ZMYM5: variants seen among roughly 807,000 people sequenced by gnomAD.
ZMYM5 encodes the protein zinc finger MYM-type protein 5.
Under a neutral mutation model 61.8 loss-of-function variants are expected in ZMYM5, and 41 were observed. The ratio of observed to expected loss-of-function variants is 0.66; its 90% CI spans 0.52 to 0.86. The LOEUF (loss-of-function observed/expected upper bound fraction) is 0.86, where lower values mean the gene tolerates loss of function less well. Ranked by LOEUF, ZMYM5 falls within the 40% of genes least tolerant of loss-of-function variation. The pLI is 0.00. For synonymous variants in ZMYM5, 257 were observed against 276.4 expected, an observed-to-expected ratio of 0.93 and a Z score of 0.70; for missense variants, 706 against 786.7, an observed-to-expected ratio of 0.90 and a Z score of 1.23.
At chr13:19,850,179 CTTG>C (rs1402667748) in intron 4 of ZMYM5, among the ~76,000 whole-genome samples, 1 of 152,120 alleles carries the variant, frequency 6.6e-6, no homozygotes, top group Non-Finnish European at 1.5e-5. Context: ...TAAAAAATCA[CTTG>C]TTATGTTTTA....
chr13:19,835,528 T>C lies in ZMYM5; in HGVS notation c.1200A>G (p.Gly400=). The change falls in exon 7 of 8, where the codon GGA becomes GGG. Residue 400 remains glycine (G), a synonymous_variant. Coordinates refer to ENST00000337963, the MANE Select transcript of ZMYM5 (RefSeq NM_001142684.2). Reference sequence around the variant, plus strand: ...GGCAGCAAAATCTCTTCTGCTGACCTCCAATCACCAGGATGTTGTTTCCAG... The same window carrying C: ...GGCAGCAAAATCTCTTCTGCTGACCCCCAATCACCAGGATGTTGTTTCCAG... The part of the protein sequence containing the change: ...KSTGNNILVI[G]GQQKRFCCQS... 7.3e-7 allele frequency: 1 copy of C among 1,367,740 alleles called. No homozygotes were observed. The highest frequency in any genetic ancestry group is 9.8e-7 in the Non-Finnish European group (1 of 1,021,868). 84.7% of individuals were successfully genotyped at this position (1,367,740 alleles called of 1,614,324 possible). A position where few individuals can be genotyped will look rare whatever the true frequency, so the allele number is the denominator to read the frequency against.
At chr13:19,851,313 G>A in intron 4 of ZMYM5, 42 bp downstream of exon 4, 1 of 1,519,600 alleles carries the variant, frequency 6.6e-7, no homozygotes, top group African/African-American at 1.4e-5. Flanking sequence ...ACAGCCAAAG[G>A]CTTATTTACT....
intron 4 of ZMYM5, 139 bp downstream of exon 4, chr13:19,851,216 T>G (rs1953280229): frequency 1.3e-6 from 1 of 797,242 alleles, no homozygotes; most frequent in African/African-American, 1.7e-5. Flanking sequence ...CGAAACTCGG[T>G]CTCCAAAAAC....
chr13:19,841,448 C>A (rs1487575720), intron 4 of ZMYM5, among the ~76,000 whole-genome samples: 1 of 152,092 alleles, frequency 6.6e-6, no homozygotes, highest in Non-Finnish European at 1.5e-5. Context: ...GGAAAAACAG[C>A]CCCAATTCTT....
At chr13:19,853,720 A>T (rs765913452) in intron 2 of ZMYM5, among the ~76,000 whole-genome samples, 1 of 151,222 alleles carries the variant, frequency 6.6e-6, no homozygotes, top group African/African-American at 2.4e-5. Context: ...CCCGGCTTTA[A>T]CTTCCTGAGT....
chr13:19,826,978 T>G (rs1163495919), intron 7 of ZMYM5, among the ~76,000 whole-genome samples: 2 of 152,164 alleles, frequency 1.3e-5, no homozygotes, highest in Non-Finnish European at 2.9e-5. Flanking sequence ...GACACATGAA[T>G]AAACTAGTTG....
chr13:19,843,137 C>CT (rs1952940567), intron 4 of ZMYM5, among the ~76,000 whole-genome samples: 1 of 144,452 alleles, frequency 6.9e-6, no homozygotes, highest in Non-Finnish European at 1.5e-5. Flanking sequence ...TTTTTTTTTT[C>CT]TTTTTTGAGA....
chr13:19,835,864 C>G (rs923991174), intron 6 of ZMYM5, among the ~76,000 whole-genome samples, 175 bp from the exon 7 acceptor site: 1 of 151,760 alleles, frequency 6.6e-6, no homozygotes, highest in Non-Finnish European at 1.5e-5. Flanking sequence ...CACTCTGTCA[C>G]TCAGGCTGGA....
At chr13:19,862,957 T>C (rs1301280755) in intron 1 of ZMYM5, among the ~76,000 whole-genome samples, 2 of 151,572 alleles carry the variant, frequency 1.3e-5, no homozygotes, top group Non-Finnish European at 2.9e-5. Flanking sequence ...CAGCAAAGAG[T>C]AAAAGCCGCG....
intron 2 of ZMYM5, among the ~76,000 whole-genome samples, chr13:19,855,726 T>A (rs564264999): frequency 6.6e-6 from 1 of 150,730 alleles, no homozygotes; most frequent in Non-Finnish European, 1.5e-5. Flanking sequence ...AAAACACTAC[T>A]AAAGGCCAGG....
intron 2 of ZMYM5, among the ~76,000 whole-genome samples, chr13:19,853,763 C>G (rs1566107515): frequency 6.6e-6 from 1 of 151,338 alleles, no homozygotes; most frequent in Non-Finnish European, 1.5e-5. Flanking sequence ...TGTATTTTTG[C>G]TAGCGACAGG....
chr13:19,860,410 G>A (rs1953694926), intron 2 of ZMYM5, among the ~76,000 whole-genome samples: 1 of 149,818 alleles, frequency 6.7e-6, no homozygotes, highest in Non-Finnish European at 1.5e-5. Context: ...ACAGGCATGT[G>A]CCACCAGGCC....
intron 4 of ZMYM5, among the ~76,000 whole-genome samples, chr13:19,850,990 C>A (rs1348612250): frequency 1.3e-5 from 2 of 152,184 alleles, no homozygotes; most frequent in Non-Finnish European, 1.5e-5. Context: ...AGGTGGATCA[C>A]TTGAGGTTAG....
At chr13:19,835,064 C>T (rs1952632818) in intron 7 of ZMYM5, among the ~76,000 whole-genome samples, 1 of 150,748 alleles carries the variant, frequency 6.6e-6, no homozygotes, top group South Asian at 2.1e-4. Flanking sequence ...AATCATAGTT[C>T]ACTGTAGCCT....
intron 7 of ZMYM5, 108 bp downstream of exon 7, chr13:19,835,369 A>G: frequency 1.3e-6 from 1 of 792,500 alleles, no homozygotes; most frequent in Non-Finnish European, 1.8e-6. Context: ...CAATGACAGA[A>G]TGGCAAAATG....
At chr13:19,836,546 T>C (rs1952679984) in intron 6 of ZMYM5, among the ~76,000 whole-genome samples, 1 of 152,178 alleles carries the variant, frequency 6.6e-6, no homozygotes, top group Non-Finnish European at 1.5e-5. Flanking sequence ...TGGACTCCAG[T>C]GATTGTCCTG....
At chr13:19,835,897 CA>C (rs1952659565) in intron 6 of ZMYM5, among the ~76,000 whole-genome samples, 1 of 151,894 alleles carries the variant, frequency 6.6e-6, no homozygotes. Context: ...AATCTCGGCT[CA>C]CTGCAACCTC....
chr13:19,852,586 C>G (rs1332713918), intron 2 of ZMYM5, among the ~76,000 whole-genome samples: 1 of 152,156 alleles, frequency 6.6e-6, no homozygotes, highest in East Asian at 1.9e-4. Flanking sequence ...CCAAGTGTCT[C>G]CTGCCATTGT....
At position 19,825,245 on chromosome 13, in the gene ZMYM5, AAG is replaced by A. The variant is rs1371959309; in HGVS notation, c.1252-12_1252-11del. 2 of 1,241,420 alleles carry A rather than the reference AAG, an allele frequency of 1.6e-6. No individual in the cohort carries two copies. The highest frequency in any genetic ancestry group is 1.6e-5 in the African/African-American group (1 of 62,884). The allele number at this position is 1,241,420 out of a possible 1,614,324, so 76.9% of individuals were successfully genotyped here. ...ATTTTGTTTCCATCATCTGAGGACA[AAG>A]AGGATTATAATTTTATTTTAGGTTA... On this transcript the variant is annotated splice_polypyrimidine_tract_variant and intron_variant, in intron 7 of 7. Coordinates refer to ENST00000337963, the MANE Select transcript of ZMYM5 (RefSeq NM_001142684.2).
Sources: gnomAD v4.1 joint callset for allele counts (sites outside exome capture counted in the v4.1 genomes callset) on GRCh38, gnomAD v4.1.1 for gene constraint, MANE v1.5 for transcripts, NCBI Gene and HGNC (gene_info 2026-07-23, HGNC 2026-07-21) for gene names.